NBAS: variants seen among roughly 807,000 people sequenced by gnomAD.
The protein encoded by NBAS is NBAS subunit of NRZ tethering complex.
In NBAS, 219 loss-of-function variants were observed where a neutral mutation model predicts 302.5. The observed-to-expected ratio is 0.72, with a 90% CI of 0.65 to 0.81. The LOEUF is 0.81. Among genes scored for constraint, NBAS ranks in the 30% least tolerant of loss-of-function variants. The pLI is 0.00. For synonymous variants in NBAS, 1,118 were observed against 1,021.6 expected, an observed-to-expected ratio of 1.09 and a Z score of -1.80; for missense variants, 2,932 against 2,841.6, an observed-to-expected ratio of 1.03 and a Z score of -0.72.
chr2:15,517,570 C>T (rs1662460649), intron 9 of NBAS, among the ~76,000 whole-genome samples: 1 of 152,022 alleles, frequency 6.6e-6, no homozygotes, highest in African/African-American at 2.4e-5. Context: ...CATCTTAGGT[C>T]AAAGAAAGAC....
At chr2:15,088,874 A>G in the NBAS span, among the ~76,000 whole-genome samples, 1 of 152,228 alleles carries the variant, frequency 6.6e-6, no homozygotes, top group Non-Finnish European at 1.5e-5. Context: ...ATGGGAGAGA[A>G]GATGTGAGGA....
At chr2:15,058,141 C>A in the NBAS span, among the ~76,000 whole-genome samples, 1 of 152,232 alleles carries the variant, frequency 6.6e-6, no homozygotes, top group Non-Finnish European at 1.5e-5. Flanking sequence ...GATGCCTGCA[C>A]ACCTTTGGTA....
At chr2:15,556,200 C>T (rs896018316) in intron 3 of NBAS, among the ~76,000 whole-genome samples, 1 of 152,142 alleles carries the variant, frequency 6.6e-6, no homozygotes, top group Non-Finnish European at 1.5e-5. Flanking sequence ...TGGAACTTTA[C>T]GACAAGATAT....
Position 15,368,191 on chromosome 2 carries a change from C to CTT in NBAS, c.3704-1500_3704-1499dup, listed in dbSNP as rs1197291033. 7.9e-3 allele frequency among the ~76,000 whole-genome samples: 674 copies of CTT among 84,838 alleles called. 99 individuals are homozygous for CTT. The highest frequency in any genetic ancestry group is 0.03 in the African/African-American group (543 of 18,042). The allele number at this position is 84,838 out of a possible 152,430, so 55.7% of individuals were successfully genotyped here. A position where few individuals can be genotyped will look rare whatever the true frequency, so the allele number is the denominator to read the frequency against. On this transcript the variant is annotated intron_variant, in intron 31 of 51. Transcript: ENST00000281513. ...CAGTGTGTGTTTCCTAATGTTTTGA[C>CTT]TTTTTTTTTTTTTTTTTTTTTTTTT...
intron 31 of NBAS, among the ~76,000 whole-genome samples, chr2:15,370,350 G>T (rs1310011921): frequency 2.0e-5 from 3 of 152,138 alleles, no homozygotes; most frequent in Admixed American, 1.3e-4. Context: ...CTCGGGTGCG[G>T]TGGCACAATC....
chr2:15,378,002 T>G (rs765452765), intron 30 of NBAS, among the ~76,000 whole-genome samples: 2 of 152,256 alleles, frequency 1.3e-5, no homozygotes, highest in Non-Finnish European at 1.5e-5. Flanking sequence ...CAGGATAAGC[T>G]TAGGATGCAC....
At chr2:15,074,660 G>A in the NBAS span, among the ~76,000 whole-genome samples, 4 of 151,854 alleles carry the variant, frequency 2.6e-5, 1 homozygote, top group South Asian at 8.3e-4. Context: ...CTATAATAGG[G>A]GAAAAACATA....
intron 21 of NBAS, among the ~76,000 whole-genome samples, chr2:15,431,341 A>G (rs1310053268): frequency 6.6e-6 from 1 of 152,236 alleles, no homozygotes; most frequent in African/African-American, 2.4e-5. Flanking sequence ...TCTACAAAAC[A>G]ATGTATTTTA....
the NBAS span, among the ~76,000 whole-genome samples, chr2:15,105,306 T>C: frequency 3.3e-5 from 5 of 152,130 alleles, no homozygotes; most frequent in South Asian, 2.1e-4. Context: ...ATACCTAATG[T>C]AGATGACAGG....
the NBAS span, among the ~76,000 whole-genome samples, chr2:15,040,049 G>A: frequency 2.0e-5 from 3 of 152,188 alleles, no homozygotes; most frequent in Admixed American, 6.5e-5. Context: ...AGCACTCTGC[G>A]AGGATGGAAT....
At position 15,539,262 on chromosome 2, in the gene NBAS, C is replaced by T. The variant is rs780289304; in HGVS notation, c.474G>A (p.Val158=). Residue 158 remains valine, a synonymous_variant, in exon 7 of 52, where the codon GTG becomes GTA. Transcript: ENST00000281513. Reference sequence around the variant, plus strand: ...AGAGTTCACTTCCCATGAGATCAAACACCCTCACAGTTCCTGTGCTTTCGG... The same window carrying T: ...AGAGTTCACTTCCCATGAGATCAAATACCCTCACAGTTCCTGTGCTTTCGG... ...AYAESTGTVR[V]FDLMGSELFV... is the part of the protein sequence containing the mutation. 3 of 1,614,100 alleles carry T rather than the reference C, an allele frequency of 1.9e-6. No homozygotes were observed. The highest frequency in any genetic ancestry group is 1.3e-5 in the African/African-American group (1 of 74,940).
chr2:15,277,857 C>T (rs1669655348), intron 42 of NBAS, among the ~76,000 whole-genome samples: 1 of 152,182 alleles, frequency 6.6e-6, no homozygotes, highest in Admixed American at 6.5e-5. Flanking sequence ...TGGTCTTGTG[C>T]TTCTCCCTGG....
At chr2:15,451,794 C>T (rs913870441) in intron 21 of NBAS, among the ~76,000 whole-genome samples, 1 of 152,034 alleles carries the variant, frequency 6.6e-6, no homozygotes, top group Admixed American at 6.5e-5. Context: ...TCTTTATCAC[C>T]AAAAGATGAA....
chr2:15,477,192 G>A (rs555656063), intron 13 of NBAS, among the ~76,000 whole-genome samples: 17 of 152,188 alleles, frequency 1.1e-4, no homozygotes, highest in East Asian at 1.9e-4. Flanking sequence ...TATTTAAAGC[G>A]AATAATTCAA....
the NBAS span, among the ~76,000 whole-genome samples, chr2:14,991,916 C>T: frequency 6.6e-6 from 1 of 152,174 alleles, no homozygotes. Context: ...CCCTCAAGGA[C>T]TCACTCTCTA....
At chr2:15,167,445 G>T in intron 51 of NBAS, 122 bp from the exon 52 acceptor site, 1 of 1,257,926 alleles carries the variant, frequency 7.9e-7, no homozygotes. Context: ...GGGTTTAAAA[G>T]CGTGTGTGGG....
At chr2:15,434,384 G>A (rs73200622) in intron 21 of NBAS, among the ~76,000 whole-genome samples, 6,365 of 152,186 alleles carry the variant, frequency 0.042, 419 homozygotes, top group African/African-American at 0.14. Context: ...TTGAATAAGA[G>A]ACACTGAAGG....
At chr2:15,323,067 G>T (rs1211678409) in intron 38 of NBAS, among the ~76,000 whole-genome samples, 2 of 152,100 alleles carry the variant, frequency 1.3e-5, no homozygotes, top group African/African-American at 4.8e-5. Context: ...GATTCTTTCT[G>T]TGGTGAAATA....
chr2:14,787,662 T>C, the NBAS span, among the ~76,000 whole-genome samples: 1 of 152,236 alleles, frequency 6.6e-6, no homozygotes, highest in Non-Finnish European at 1.5e-5. Context: ...CACTCTCTTC[T>C]GGCTTGTAGA....
Sources: allele counts gnomAD v4.1 joint callset (sites outside exome capture counted in the v4.1 genomes callset), GRCh38; gene constraint gnomAD v4.1.1; transcripts MANE v1.5; gene names NCBI Gene and HGNC (gene_info 2026-07-23, HGNC 2026-07-21).